Variants in GHR observed in about 807,000 individuals in gnomAD.
GHR encodes growth hormone receptor, also known as GH receptor.
Under a neutral mutation model 67.1 loss-of-function variants are expected in GHR, and 35 were observed. That is an observed-to-expected ratio of 0.52 (90% CI 0.40 to 0.69). The LOEUF is 0.69. Among genes scored for constraint, GHR ranks in the 30% least tolerant of loss-of-function variants. The probability of loss-of-function intolerance (pLI) is 0.00; values close to 1 mark genes in which losing one functional copy is unlikely to be tolerated. For synonymous variants in GHR, 272 were observed against 269.1 expected (o/e 1.01, Z -0.10); for missense variants, 792 against 764.6 (o/e 1.04, Z -0.42).
chr5:42,561,500 C>T (rs1277569736), intron 1 of GHR, among the ~76,000 whole-genome samples: 1 of 152,194 alleles, frequency 6.6e-6, no homozygotes, highest in Non-Finnish European at 1.5e-5. Context: ...TTCATCTTTT[C>T]TCATGTGTTT....
chr5:42,694,275 A>G (rs1757562775), intron 4 of GHR, among the ~76,000 whole-genome samples: 1 of 152,224 alleles, frequency 6.6e-6, no homozygotes, highest in South Asian at 2.1e-4. Context: ...AGTGTCTGTC[A>G]TTATGTTTTA....
At chr5:42,571,907 C>T (rs149930580) in intron 2 of GHR, among the ~76,000 whole-genome samples, 1,579 of 152,272 alleles carry the variant, frequency 0.01, 7 homozygotes, top group Non-Finnish European at 0.016. Flanking sequence ...TGTTCATAGA[C>T]ACACCTGGTT....
At chr5:42,522,093 G>A (rs763738314) in intron 1 of GHR, among the ~76,000 whole-genome samples, 1 of 152,094 alleles carries the variant, frequency 6.6e-6, no homozygotes. Context: ...TTGTTCCATC[G>A]TTTTGTATTG....
At chr5:42,662,617 G>A (rs1580151592) in intron 3 of GHR, among the ~76,000 whole-genome samples, 1 of 152,122 alleles carries the variant, frequency 6.6e-6, no homozygotes, top group Non-Finnish European at 1.5e-5. Flanking sequence ...TGTGTAGAGG[G>A]AAATTTATAG....
intron 1 of GHR, among the ~76,000 whole-genome samples, chr5:42,491,533 A>T (rs1746112510): frequency 6.6e-6 from 1 of 152,220 alleles, no homozygotes; most frequent in South Asian, 2.1e-4. Flanking sequence ...GATACTAATC[A>T]TGCTACAGAG....
intron 3 of GHR, among the ~76,000 whole-genome samples, chr5:42,658,865 C>T (rs1299121301): frequency 6.6e-6 from 1 of 152,148 alleles, no homozygotes; most frequent in East Asian, 1.9e-4. Context: ...GAGTCCATTA[C>T]TTCTGACCTA....
intron 2 of GHR, among the ~76,000 whole-genome samples, chr5:42,620,074 A>AT (rs1262170055): frequency 1.3e-5 from 2 of 152,110 alleles, no homozygotes; most frequent in Non-Finnish European, 2.9e-5. Flanking sequence ...TATTTTTATT[A>AT]TTTTTTCCCT....
intron 1 of GHR, among the ~76,000 whole-genome samples, chr5:42,454,307 G>A (rs545452706): frequency 6.6e-6 from 1 of 152,354 alleles, no homozygotes; most frequent in African/African-American, 2.4e-5. Context: ...CACGTGGACA[G>A]ACTAAGGACC....
At position 42,662,197 on chromosome 5, in the gene GHR, G is replaced by A. The variant is rs573495260; in HGVS notation, c.137-26693G>A. Among the ~76,000 whole-genome samples, 56 of 152,206 alleles carry A rather than the reference G, an allele frequency of 3.7e-4. 5 individuals carry two copies. The highest frequency in any genetic ancestry group is 1.2e-3 in the African/African-American group (50 of 41,524). On this transcript the variant is annotated intron_variant, in intron 3 of 9. Coordinates refer to ENST00000230882, the MANE Select transcript of GHR (RefSeq NM_000163.5). ...CACTGTCAACATTAGACAGATCAAC[G>A]GGACAGAAAGTTAACAAGGATACCC... is the stretch of plus-strand genomic sequence containing the variant.
At chr5:42,465,579 TATAAG>T in intron 1 of GHR, 2 of 1,250,962 alleles carry the variant, frequency 1.6e-6, no homozygotes, top group Non-Finnish European at 2.4e-6. Flanking sequence ...TCACTGCAAT[TATAAG>T]ATATTTGTTT....
chr5:42,638,401 T>C (rs1034936715), intron 3 of GHR, among the ~76,000 whole-genome samples: 2 of 152,224 alleles, frequency 1.3e-5, no homozygotes, highest in Admixed American at 6.5e-5. Context: ...ACAGTGGGGA[T>C]AGGTTCTAAG....
intron 1 of GHR, among the ~76,000 whole-genome samples, chr5:42,430,849 C>A (rs1186448698): frequency 6.6e-6 from 1 of 152,092 alleles, no homozygotes; most frequent in Admixed American, 6.5e-5. Flanking sequence ...CTTGGACATG[C>A]AATTTTCAAA....
At chr5:42,477,639 A>G (rs1745399368) in intron 1 of GHR, among the ~76,000 whole-genome samples, 2 of 152,136 alleles carry the variant, frequency 1.3e-5, no homozygotes. Flanking sequence ...GCCAGTGATG[A>G]TGAGCATTTT....
At chr5:42,574,300 G>C (rs886584123) in intron 2 of GHR, among the ~76,000 whole-genome samples, 1 of 152,200 alleles carries the variant, frequency 6.6e-6, no homozygotes, top group Non-Finnish European at 1.5e-5. Flanking sequence ...GAAAGTACAT[G>C]AAGTGCCATA....
At chr5:42,509,128 C>T (rs1247997921) in intron 1 of GHR, among the ~76,000 whole-genome samples, 1 of 152,150 alleles carries the variant, frequency 6.6e-6, no homozygotes, top group Non-Finnish European at 1.5e-5. Context: ...ACTTCTCTTG[C>T]TTCATCATAC....
At chr5:42,692,538 T>C (rs1757467301) in intron 4 of GHR, among the ~76,000 whole-genome samples, 2 of 152,204 alleles carry the variant, frequency 1.3e-5, no homozygotes. Context: ...TATAAATATT[T>C]ATTTAAAATG....
intron 1 of GHR, among the ~76,000 whole-genome samples, chr5:42,454,879 C>T (rs1744196496): frequency 6.6e-6 from 1 of 152,118 alleles, no homozygotes; most frequent in Non-Finnish European, 1.5e-5. Context: ...TTCCCATTCA[C>T]CCACCAGATT....
intron 1 of GHR, chr5:42,467,550 A>C: frequency 6.8e-7 from 1 of 1,475,642 alleles, no homozygotes; most frequent in Admixed American, 1.7e-5. Context: ...TACTACGCCT[A>C]AAGGTTTTTT....
intron 1 of GHR, among the ~76,000 whole-genome samples, chr5:42,510,588 A>C (rs1039177248): frequency 6.6e-6 from 1 of 152,236 alleles, no homozygotes; most frequent in Non-Finnish European, 1.5e-5. Context: ...AACATAAAAA[A>C]CTGTAGCAAT....
Sources: gnomAD v4.1 joint callset for allele counts (sites outside exome capture counted in the v4.1 genomes callset) on GRCh38, gnomAD v4.1.1 for gene constraint, MANE v1.5 for transcripts, NCBI Gene and HGNC (gene_info 2026-07-23, HGNC 2026-07-21) for gene names.